RAB11FIP3: variants seen among roughly 807,000 people sequenced by gnomAD.
RAB11FIP3 encodes the protein RAB11 family interacting protein 3.
RAB11FIP3 carries 17 observed loss-of-function variants against 77.8 expected under a neutral mutation model. The ratio of observed to expected loss-of-function variants is 0.22; its 90% CI spans 0.15 to 0.33. The LOEUF is 0.33. Among genes scored for constraint, RAB11FIP3 ranks in the 10% least tolerant of loss-of-function variants. The pLI is 1.00. For synonymous variants in RAB11FIP3, 437 were observed against 448.2 expected, an observed-to-expected ratio of 0.98 and a Z score of 0.31; for missense variants, 1,005 against 1,011.2, an observed-to-expected ratio of 0.99 and a Z score of 0.08.
intron 5 of RAB11FIP3, chr16:491,377 C>A: frequency 8.6e-7 from 1 of 1,159,228 alleles, no homozygotes; most frequent in East Asian, 6.0e-5. Context: ...GCCTCTCAGG[C>A]AGCGGGACTC....
rs543447327 is a variant in RAB11FIP3, at chr16:488,408, T to C, written c.1116-443T>C. Among the ~76,000 whole-genome samples the C allele has an allele frequency of 6.9e-3, 895 of 130,056 alleles. 6 individuals are homozygous for C. The highest frequency in any genetic ancestry group is 0.021 in the African/African-American group (833 of 39,556). 85.3% of individuals were successfully genotyped at this position (130,056 alleles called of 152,430 possible). On this transcript the variant is annotated intron_variant, in intron 4 of 13. Transcript: ENST00000262305. ...AAAAAAGGTAAAGAAACAGATTTATTTATTTATTTTTTTTTTTTGAGACAG... is the reference window on the plus strand; with the variant it reads ...AAAAAAGGTAAAGAAACAGATTTATCTATTTATTTTTTTTTTTTGAGACAG...
chr16:504,082 GTGTACCCCCTCACCTCC>G (rs2031690776), intron 7 of RAB11FIP3, among the ~76,000 whole-genome samples: 1 of 39,620 alleles, frequency 2.5e-5, no homozygotes. Flanking sequence ...TCACCTCCTT[GTGTACCCCCTCACCTCC>G]TGTACCCCCT....
chr16:491,320 C>G, intron 5 of RAB11FIP3: 2 of 1,282,522 alleles, frequency 1.6e-6, no homozygotes, highest in Non-Finnish European at 2.1e-6. Context: ...GTGGGGGACT[C>G]CGGATACCCA....
At position 496,890 on chromosome 16, in the gene RAB11FIP3, C is replaced by T. The variant is rs768213064; in HGVS notation, c.1301+31C>T. On this transcript the variant is annotated intron_variant, in intron 6 of 13. Transcript: ENST00000262305. ...TGGGTCTCTGGTTCCTGCTGAAAAACGTTCTGAAGTGGATAATTAATCATA... is the reference window on the plus strand; with the variant it reads ...TGGGTCTCTGGTTCCTGCTGAAAAATGTTCTGAAGTGGATAATTAATCATA... 1.8e-5 allele frequency: 27 copies of T among 1,527,852 alleles called. No individual in the cohort carries two copies. In the East Asian group the frequency reaches 4.5e-4, roughly 25 times the overall value. 94.6% of individuals were successfully genotyped at this position (1,527,852 alleles called of 1,614,324 possible).
rs911117101 is a variant in RAB11FIP3 at position 471,481 on chromosome 16, C to G, written c.903+92C>G. On this transcript the variant is annotated intron_variant, in intron 3 of 13. Transcript: ENST00000262305. This position sits in a 1 kb window ranked among gnomAD's most constrained non-coding sequence, Gnocchi z 4.4. ...CTCGTGCCTCCTGCCTCCGGGCTGT[C>G]TTCCGTAGAAGCTGGCGTGAAGGAA... 8.8e-6 allele frequency: 10 copies of G among 1,132,044 alleles called. No individual in the cohort carries two copies. Among genetic ancestry groups the G allele is most frequent in the Non-Finnish European group, 1.3e-5 (10 of 769,720 alleles). The allele number at this position is 1,132,044 out of a possible 1,614,324, so 70.1% of individuals were successfully genotyped here. A position where few individuals can be genotyped will look rare whatever the true frequency, so the allele number is the denominator to read the frequency against.
intron 2 of RAB11FIP3, among the ~76,000 whole-genome samples, chr16:464,849 C>T (rs1480893816): frequency 6.6e-6 from 1 of 152,164 alleles, no homozygotes; most frequent in East Asian, 1.9e-4. Flanking sequence ...TGTGCCACTG[C>T]ACTCCATGCA....
intron 4 of RAB11FIP3, among the ~76,000 whole-genome samples, chr16:487,922 G>A (rs572202239): frequency 6.6e-4 from 101 of 152,264 alleles, no homozygotes; most frequent in African/African-American, 2.0e-3. Context: ...CAGCTCCCTA[G>A]GGAAGAGGCA....
chr16:486,902 A>G (rs894417992), intron 4 of RAB11FIP3, among the ~76,000 whole-genome samples: 1 of 152,216 alleles, frequency 6.6e-6, no homozygotes, highest in Non-Finnish European at 1.5e-5. Context: ...CTCAGAGGGC[A>G]GTTTTCTGTC....
intron 9 of RAB11FIP3, among the ~76,000 whole-genome samples, chr16:512,821 G>A (rs2032246702): frequency 6.6e-6 from 1 of 152,178 alleles, no homozygotes; most frequent in African/African-American, 2.4e-5. Context: ...GGGATTAGAG[G>A]TGTGAGCCAC....
rs1596182344 is a variant in RAB11FIP3, at chr16:432,988, G to A, written c.714+6268G>A. Among the ~76,000 whole-genome samples the A allele has an allele frequency of 1.6e-5, 2 of 126,704 alleles. 1 individual carries two copies. Among genetic ancestry groups the A allele is most frequent in the South Asian group, 5.5e-4 (2 of 3,660 alleles). The allele number at this position is 126,704 out of a possible 152,430, so 83.1% of individuals were successfully genotyped here. On this transcript the variant is annotated intron_variant, in intron 1 of 13. Transcript: ENST00000262305. The stretch of plus-strand genomic sequence containing the variant: ...TGGTATTTTGTTACAGGCATACACT[G>A]TAATGATCAAGTTGGGGTGTCTGTC...
rs1410655451 is a variant in RAB11FIP3, at chr16:425,715, C to T, written c.-292C>T. The T allele has an allele frequency of 3.3e-6, 1 of 303,256 alleles. No individual in the cohort carries two copies. Among genetic ancestry groups the T allele is most frequent in the South Asian group, 1.4e-4 (1 of 6,942 alleles). 18.8% of individuals were successfully genotyped at this position (303,256 alleles called of 1,614,324 possible). A position where few individuals can be genotyped will look rare whatever the true frequency, so the allele number is the denominator to read the frequency against. On this transcript the variant is annotated 5_prime_UTR_variant, in exon 1 of 14. Coordinates refer to ENST00000262305, the MANE Select transcript of RAB11FIP3 (RefSeq NM_014700.4). ...CCTCCGGCCTCCTCGGCCCCCGTCC[C>T]CCGGCCTCCTCGGCCCCCGTCCCCC... is the stretch of plus-strand genomic sequence containing the variant.
chr16:507,167 A>G lies in RAB11FIP3; in HGVS notation c.1499+1540A>G, dbSNP rs1455971682. 1.4e-5 allele frequency among the ~76,000 whole-genome samples: 2 copies of G among 146,668 alleles called. No individual in the cohort carries two copies. Among genetic ancestry groups the G allele is most frequent in the Admixed American group, 1.4e-4 (2 of 14,378 alleles). On this transcript the variant is annotated intron_variant, in intron 8 of 13. Coordinates refer to ENST00000262305, the MANE Select transcript of RAB11FIP3 (RefSeq NM_014700.4). The surrounding 1 kb of genome is among the most constrained non-coding windows in gnomAD (Gnocchi z 4.6). ...TCTCTCTGTCTCCAGGCTGGAGTGCAGTGGCGCAATCTTGGCTCACCGCAA... is the reference window on the plus strand; with the variant it reads ...TCTCTCTGTCTCCAGGCTGGAGTGCGGTGGCGCAATCTTGGCTCACCGCAA...
chr16:516,288 G>A (rs2032414316), intron 9 of RAB11FIP3, among the ~76,000 whole-genome samples: 1 of 152,210 alleles, frequency 6.6e-6, no homozygotes, highest in Non-Finnish European at 1.5e-5. Context: ...TAACGGGATG[G>A]TGAGGACAAC....
In RAB11FIP3 at chr16:425,779, C is replaced by T. The variant is rs950101983; in HGVS notation, c.-228C>T. The T allele has an allele frequency of 6.8e-5, 23 of 336,122 alleles. No homozygotes were observed. Among genetic ancestry groups the T allele is most frequent in the Middle Eastern group, 1.6e-3 (2 of 1,266 alleles). 20.8% of individuals were successfully genotyped at this position (336,122 alleles called of 1,614,324 possible). A position where few individuals can be genotyped will look rare whatever the true frequency, so the allele number is the denominator to read the frequency against. ...CGGATCCTCGCCGCCCTCCCTAGGCCGCCCCGCCGCCATGGGCCTGCGCCC... is the reference window on the plus strand; with the variant it reads ...CGGATCCTCGCCGCCCTCCCTAGGCTGCCCCGCCGCCATGGGCCTGCGCCC... On this transcript the variant is annotated 5_prime_UTR_variant, in exon 1 of 14. Coordinates refer to ENST00000262305, the MANE Select transcript of RAB11FIP3 (RefSeq NM_014700.4).
intron 2 of RAB11FIP3, among the ~76,000 whole-genome samples, chr16:466,183 C>T (rs545521056): frequency 6.6e-6 from 1 of 152,248 alleles, no homozygotes; most frequent in African/African-American, 2.4e-5. Context: ...GGGCAGCCTG[C>T]AGGAGATTTG....
At position 426,865 on chromosome 16, in the gene RAB11FIP3, C is replaced by T. The variant is rs1185474754; in HGVS notation, c.714+145C>T. On this transcript the variant is annotated intron_variant, in intron 1 of 13. Transcript: ENST00000262305. The surrounding 1 kb of genome is among the most constrained non-coding windows in gnomAD (Gnocchi z 5.0). ...GGTCCTGCTTTTTCTGCTTATTCACCACTTCGGCCCTGGATTTCTGGTTGA... is the reference window on the plus strand; with the variant it reads ...GGTCCTGCTTTTTCTGCTTATTCACTACTTCGGCCCTGGATTTCTGGTTGA... The T allele has an allele frequency of 9.1e-6, 5 of 550,670 alleles. No individual in the cohort carries two copies. The highest frequency in any genetic ancestry group is 1.5e-5 in the Non-Finnish European group (5 of 336,230). The allele number at this position is 550,670 out of a possible 1,614,324, so 34.1% of individuals were successfully genotyped here.
rs1397710423 is a variant in RAB11FIP3, at chr16:510,651, C to A, written c.1500-9C>A. 2.5e-6 allele frequency: 4 copies of A among 1,594,156 alleles called. No individual in the cohort carries two copies. Among genetic ancestry groups the A allele is most frequent in the Admixed American group, 3.5e-5 (2 of 57,136 alleles). On this transcript the variant is annotated splice_polypyrimidine_tract_variant and intron_variant, in intron 8 of 13. Coordinates refer to ENST00000262305, the MANE Select transcript of RAB11FIP3 (RefSeq NM_014700.4). ...GGAGACAGCTCAGCTCCTCCCTTTGCCTTTCAAGAGCAAACGCCCTGGAGG... is the reference window on the plus strand; with the variant it reads ...GGAGACAGCTCAGCTCCTCCCTTTGACTTTCAAGAGCAAACGCCCTGGAGG...
intron 8 of RAB11FIP3, among the ~76,000 whole-genome samples, chr16:510,001 C>T (rs572781935): frequency 6.6e-6 from 1 of 152,340 alleles, no homozygotes; most frequent in Admixed American, 6.5e-5. Context: ...TGCTGTGGCC[C>T]TTGGGCCCTG....
chr16:453,777 T>A (rs950851314), intron 1 of RAB11FIP3, among the ~76,000 whole-genome samples: 1 of 151,744 alleles, frequency 6.6e-6, no homozygotes. Flanking sequence ...TTTTTTTAAG[T>A]AGAGGCGGGG....
Sources: allele counts gnomAD v4.1 joint callset (sites outside exome capture counted in the v4.1 genomes callset), GRCh38; gene constraint gnomAD v4.1.1; non-coding constraint Gnocchi (gnomAD v3.1); transcripts MANE v1.5; gene names NCBI Gene and HGNC (gene_info 2026-07-23, HGNC 2026-07-21).